The following WDR41 variants were observed in gnomAD, a reference collection of about 807,000 sequenced individuals.
WDR41 encodes the protein WD repeat domain 41.
In WDR41, 63 loss-of-function variants were observed where a neutral mutation model predicts 69.3. The observed-to-expected ratio is 0.91, with a 90% confidence interval of 0.74 to 1.12. The LOEUF (loss-of-function observed/expected upper bound fraction) is 1.12. WDR41 is among the 50% of genes most tolerant of loss of function. The pLI, the probability that WDR41 is intolerant of heterozygous loss-of-function variation, is 0.00. For missense variants in WDR41, 543 were observed against 534.5 expected, an observed-to-expected ratio of 1.02 and a Z score of -0.16; for synonymous variants, 185 against 192.1, an observed-to-expected ratio of 0.96 and a Z score of 0.31.
At position 77,453,930 on chromosome 5, in the gene WDR41, T is replaced by C. The variant is rs139443215; in HGVS notation, c.412-2A>G. ...TAGTCTCTGAAGAACAGTTAAACAC[T>C]GCAAAATTTATTTGAAATGTATATC... is the stretch of plus-strand genomic sequence containing the variant. On this transcript the variant is annotated splice_acceptor_variant, in intron 5 of 12. Transcript: ENST00000296679. LOFTEE classifies it high-confidence loss of function. 3.7e-5 allele frequency: 60 copies of C among 1,609,828 alleles called. No homozygotes were observed. The highest frequency in any genetic ancestry group is 4.9e-5 in the Non-Finnish European group (58 of 1,176,354).
intron 8 of WDR41, among the ~76,000 whole-genome samples, chr5:77,446,870 C>T (rs1419859557): frequency 2.0e-5 from 3 of 152,188 alleles, no homozygotes; most frequent in Admixed American, 6.6e-5. Flanking sequence ...TGGGCAAAGA[C>T]TTCATGACAA....
intron 1 of WDR41, among the ~76,000 whole-genome samples, chr5:77,524,876 T>G (rs1278997967): frequency 1.3e-5 from 2 of 152,252 alleles, no homozygotes; most frequent in Non-Finnish European, 2.9e-5. Context: ...TAGGCTTTTG[T>G]GTTCATTGAA....
rs149812564 is a variant in WDR41, at chr5:77,528,693, G to A, written c.43-39121C>T. 1.3e-4 allele frequency among the ~76,000 whole-genome samples: 19 copies of A among 151,644 alleles called. No homozygotes were observed. The East Asian group carries it at 3.5e-3, about 28-fold the overall frequency. ...GAAAGAATAACATAATATGAGCAAGGCATGTTTACTACAGAAATGCAAGGC... is the reference window on the plus strand; with the variant it reads ...GAAAGAATAACATAATATGAGCAAGACATGTTTACTACAGAAATGCAAGGC... On this transcript the variant is annotated intron_variant, in intron 1 of 5. Coordinates refer to the WDR41 transcript ENST00000509971.
chr5:77,493,013 T>C (rs1306220446), upstream of WDR41, among the ~76,000 whole-genome samples: 3 of 152,224 alleles, frequency 2.0e-5, no homozygotes, highest in African/African-American at 7.2e-5. Context: ...TATACCTTTT[T>C]TTGACTACTA....
At chr5:77,522,248 A>C (rs1802381737) in intron 1 of WDR41, among the ~76,000 whole-genome samples, 1 of 152,226 alleles carries the variant, frequency 6.6e-6, no homozygotes, top group Admixed American at 6.5e-5. Context: ...TGAGGAAAAC[A>C]AGACTGAAAA....
intron 2 of WDR41, among the ~76,000 whole-genome samples, chr5:77,465,293 G>A (rs571701275): frequency 3.0e-4 from 46 of 152,102 alleles, no homozygotes; most frequent in Non-Finnish European, 5.6e-4. Context: ...CTTTGTTCTT[G>A]GTTTGGAAGA....
intron 1 of WDR41, among the ~76,000 whole-genome samples, chr5:77,568,187 T>G (rs1376227457): frequency 6.6e-6 from 1 of 152,096 alleles, no homozygotes; most frequent in East Asian, 1.9e-4. Context: ...TTATGGATAA[T>G]GAAATGTACA....
chr5:77,525,217 A>G (rs1802427621), intron 1 of WDR41, among the ~76,000 whole-genome samples: 1 of 152,230 alleles, frequency 6.6e-6, no homozygotes, highest in South Asian at 2.1e-4. Context: ...AAAGCTTCCT[A>G]AACTTCATAG....
chr5:77,478,067 A>T (rs868350712), intron 2 of WDR41, among the ~76,000 whole-genome samples: 1 of 152,332 alleles, frequency 6.6e-6, no homozygotes, highest in African/African-American at 2.4e-5. Context: ...ATAAACTAGA[A>T]AATCTAGAAG....
rs1799123851 is a variant in WDR41, at chr5:77,440,683, C to T, written c.882+130G>A. The T allele has an allele frequency of 2.3e-5, 19 of 821,664 alleles. 1 individual carries two copies. In the South Asian group the frequency reaches 4.2e-4, roughly 18 times the overall value. 50.9% of individuals were successfully genotyped at this position (821,664 alleles called of 1,614,324 possible). A position where few individuals can be genotyped will look rare whatever the true frequency, so the allele number is the denominator to read the frequency against. ...AAATCATCCAATTTTAGAAAAAGAC[C>T]ATTTTAAAGCACAACCTGAAACCAT... On this transcript the variant is annotated intron_variant, in intron 9 of 12. Coordinates refer to ENST00000296679, the MANE Select transcript of WDR41 (RefSeq NM_018268.4).
chr5:77,451,625 G>A (rs566843164), intron 6 of WDR41: 2 of 313,888 alleles, frequency 6.4e-6, no homozygotes, highest in Non-Finnish European at 1.2e-5. Flanking sequence ...TAAAGTGGTA[G>A]ATTCAGCAAT....
intron 8 of WDR41, among the ~76,000 whole-genome samples, chr5:77,446,659 A>T (rs1360537256): frequency 3.3e-5 from 5 of 152,210 alleles, no homozygotes; most frequent in African/African-American, 1.2e-4. Flanking sequence ...AAACCTGACA[A>T]AAACAAGCAA....
intron 1 of WDR41, among the ~76,000 whole-genome samples, chr5:77,526,195 C>T (rs933679207): frequency 6.6e-6 from 1 of 151,978 alleles, no homozygotes; most frequent in Non-Finnish European, 1.5e-5. Flanking sequence ...TGTTTTATCC[C>T]TCTTTTTGTT....
intron 2 of WDR41, among the ~76,000 whole-genome samples, chr5:77,471,988 C>T (rs566132860): frequency 3.3e-5 from 5 of 152,166 alleles, no homozygotes; most frequent in Non-Finnish European, 7.3e-5. Flanking sequence ...AATTTTAGAC[C>T]AATAACCCTG....
chr5:77,562,746 G>C lies in WDR41; in HGVS notation c.42+57733C>G, dbSNP rs1290609807. ...ATGCAGCAAAACAAAAACAAATACA[G>C]GTAAATTTTGCCTTTTAAAATCACT... is the stretch of plus-strand genomic sequence containing the variant. On this transcript the variant is annotated intron_variant, in intron 1 of 5. Coordinates refer to the WDR41 transcript ENST00000509971. Among the ~76,000 whole-genome samples the C allele has an allele frequency of 1.3e-5, 2 of 152,086 alleles. 1 individual carries two copies. The highest frequency in any genetic ancestry group is 1.3e-4 in the Admixed American group (2 of 15,252).
intron 1 of WDR41, among the ~76,000 whole-genome samples, chr5:77,565,912 T>A (rs891904848): frequency 3.9e-5 from 6 of 152,176 alleles, no homozygotes; most frequent in African/African-American, 1.4e-4. Flanking sequence ...TTGTAGGTAT[T>A]CAACACATTA....
chr5:77,613,332 G>A (rs1445761391), intron 1 of WDR41, among the ~76,000 whole-genome samples: 15 of 152,038 alleles, frequency 9.9e-5, no homozygotes, highest in South Asian at 2.1e-4. Flanking sequence ...AGCCCGCATC[G>A]CCAAGCCAAT....
intron 1 of WDR41, among the ~76,000 whole-genome samples, chr5:77,540,264 G>A (rs1014084074): frequency 2.6e-5 from 4 of 152,196 alleles, no homozygotes; most frequent in African/African-American, 9.7e-5. Context: ...TGCAATAGCA[G>A]CAGAAGCATG....
At chr5:77,544,044 G>T (rs1022183197) in intron 1 of WDR41, among the ~76,000 whole-genome samples, 5 of 152,030 alleles carry the variant, frequency 3.3e-5, no homozygotes, top group Admixed American at 1.3e-4. Flanking sequence ...TTTGTACCCG[G>T]TGAAATTAAG....
Sources: gnomAD v4.1 joint callset for allele counts (sites outside exome capture counted in the v4.1 genomes callset) on GRCh38, gnomAD v4.1.1 for gene constraint, MANE v1.5 for transcripts, NCBI Gene and HGNC (gene_info 2026-07-23, HGNC 2026-07-21) for gene names.